The following NFIB variants were observed in gnomAD, a reference collection of about 807,000 sequenced individuals.
NFIB encodes nuclear factor 1 B-type.
Under a neutral mutation model 61.5 loss-of-function variants are expected in NFIB, and 11 were observed. The observed-to-expected ratio is 0.18, with a 90% confidence interval of 0.11 to 0.30. NFIB has a LOEUF of 0.30. Among genes scored for constraint, NFIB ranks in the 10% least tolerant of loss-of-function variants. NFIB has a pLI of 1.00. For missense variants in NFIB, 471 were observed against 608.9 expected (o/e 0.77, Z 2.38); for synonymous variants, 260 against 216.5 (o/e 1.20, Z -1.76).
At chr9:14,189,139 T>C (rs189127093) in intron 2 of NFIB, among the ~76,000 whole-genome samples, 75 of 152,320 alleles carry the variant, frequency 4.9e-4, no homozygotes, top group Non-Finnish European at 9.0e-4. Flanking sequence ...TCACGCATTA[T>C]TCTAAATCCC....
Position 14,087,761 on chromosome 9 carries a change from C to T in NFIB, c.*548G>A, listed in dbSNP as rs193129743. ...TAAAATGGCTGGCTCATGGCTCTGT[C>T]ACCCAGCACCTCTGACGCCGCCTCC... On this transcript the variant is annotated 3_prime_UTR_variant, in exon 11 of 11. Transcript: ENST00000380953. 4.4e-4 allele frequency: 97 copies of T among 219,992 alleles called. No individual in the cohort carries two copies. The highest frequency in any genetic ancestry group is 2.1e-3 in the African/African-American group (92 of 44,642). 13.6% of individuals were successfully genotyped at this position (219,992 alleles called of 1,614,324 possible).
At chr9:14,458,971 C>A in the NFIB span, among the ~76,000 whole-genome samples, 1 of 152,080 alleles carries the variant, frequency 6.6e-6, no homozygotes, top group Non-Finnish European at 1.5e-5. Context: ...CAATGCCATC[C>A]CCATCGAGCT....
chr9:14,486,584 A>C, the NFIB span, among the ~76,000 whole-genome samples: 3 of 152,108 alleles, frequency 2.0e-5, no homozygotes, highest in African/African-American at 7.2e-5. Flanking sequence ...ACCTATTCTC[A>C]TTTATCTTGC....
chr9:14,315,583 A>G (rs1453521800), upstream of NFIB, among the ~76,000 whole-genome samples: 3 of 142,686 alleles, frequency 2.1e-5, no homozygotes, highest in African/African-American at 5.1e-5. Flanking sequence ...GCAGCCCTCC[A>G]GAGGCTGCGG....
In NFIB at chr9:14,108,063, A is replaced by T. The variant is rs372357227; in HGVS notation, c.1467+4936T>A. Among the ~76,000 whole-genome samples, 50 of 152,220 alleles carry T rather than the reference A, an allele frequency of 3.3e-4. No homozygotes were observed. In the East Asian group the frequency reaches 9.6e-3, roughly 29 times the overall value. ...TTAAGAACTAGCCAAAGAGCTAAACATTTGCATAGCCATTATTTCGACTGA... is the reference window on the plus strand; with the variant it reads ...TTAAGAACTAGCCAAAGAGCTAAACTTTTGCATAGCCATTATTTCGACTGA... On this transcript the variant is annotated intron_variant, in intron 10 of 10. Coordinates refer to ENST00000380953, the MANE Select transcript of NFIB (RefSeq NM_001190737.2).
At chr9:14,487,642 A>G in the NFIB span, among the ~76,000 whole-genome samples, 1 of 152,220 alleles carries the variant, frequency 6.6e-6, no homozygotes, top group Non-Finnish European at 1.5e-5. Flanking sequence ...CCCTTGCTCA[A>G]ATCCATCAGG....
chr9:14,393,519 C>G (rs2061649324), intron 1 of NFIB, among the ~76,000 whole-genome samples: 1 of 152,168 alleles, frequency 6.6e-6, no homozygotes, highest in South Asian at 2.1e-4. Context: ...TTTGTTAACT[C>G]CCTCTGGGCT....
chr9:14,118,443 G>C (rs1273275607), intron 8 of NFIB, among the ~76,000 whole-genome samples: 1 of 152,034 alleles, frequency 6.6e-6, no homozygotes, highest in Non-Finnish European at 1.5e-5. Flanking sequence ...ACATGAACTA[G>C]TAGACACTTC....
chr9:14,455,282 T>C, the NFIB span, among the ~76,000 whole-genome samples: 1 of 152,246 alleles, frequency 6.6e-6, no homozygotes, highest in Non-Finnish European at 1.5e-5. Context: ...AACATGTAAT[T>C]ATCTGCTTTT....
At chr9:14,259,225 A>G (rs1297407705) in intron 2 of NFIB, among the ~76,000 whole-genome samples, 4 of 152,194 alleles carry the variant, frequency 2.6e-5, no homozygotes, top group Admixed American at 6.5e-5. Flanking sequence ...AAAGAAGTCA[A>G]TTGCTTGTGG....
intron 3 of NFIB, among the ~76,000 whole-genome samples, chr9:14,167,375 T>A (rs947358103): frequency 4.6e-5 from 7 of 151,980 alleles, no homozygotes; most frequent in African/African-American, 1.7e-4. Flanking sequence ...AAACCCTACA[T>A]CTACTAAAAA....
chr9:14,392,376 C>A (rs891931534), intron 1 of NFIB, among the ~76,000 whole-genome samples: 1 of 152,138 alleles, frequency 6.6e-6, no homozygotes, highest in African/African-American at 2.4e-5. Flanking sequence ...GGAGGGTATA[C>A]AGAAAACCTT....
rs572471764 is a variant in NFIB, at chr9:14,109,611, A to G, written c.1467+3388T>C. Among the ~76,000 whole-genome samples, 3 of 152,226 alleles carry G rather than the reference A, an allele frequency of 2.0e-5. No individual in the cohort carries two copies. The South Asian group carries it at 6.2e-4, about 32-fold the overall frequency. On this transcript the variant is annotated intron_variant, in intron 10 of 10. Coordinates refer to ENST00000380953, the MANE Select transcript of NFIB (RefSeq NM_001190737.2). ...TTTCCCCCATGCCAATAGCGAATGC[A>G]ATAACTAAACCAATAATCCCAAAGA...
At chr9:14,486,862 A>C in the NFIB span, among the ~76,000 whole-genome samples, 1 of 152,180 alleles carries the variant, frequency 6.6e-6, no homozygotes, top group Admixed American at 6.5e-5. Flanking sequence ...TGTTTTCTAC[A>C]TTGAACATCT....
chr9:14,364,640 G>A (rs1027608417), intron 1 of NFIB, among the ~76,000 whole-genome samples: 1 of 152,108 alleles, frequency 6.6e-6, no homozygotes, highest in East Asian at 1.9e-4. Flanking sequence ...GATCAAAATA[G>A]TTTTAAAAAT....
intron 10 of NFIB, among the ~76,000 whole-genome samples, chr9:14,091,896 GT>G (rs1345220805): frequency 6.6e-6 from 1 of 152,012 alleles, no homozygotes; most frequent in African/African-American, 2.4e-5. Context: ...TAATGAGATA[GT>G]TCATTATAAA....
At chr9:14,368,146 A>G (rs948041441) in intron 1 of NFIB, among the ~76,000 whole-genome samples, 2 of 48,118 alleles carry the variant, frequency 4.2e-5, no homozygotes, top group Non-Finnish European at 7.6e-5. Context: ...AAGTAAGTAA[A>G]GTAAGATTAA....
At chr9:14,463,122 A>C in the NFIB span, among the ~76,000 whole-genome samples, 1 of 147,430 alleles carries the variant, frequency 6.8e-6, no homozygotes, top group Non-Finnish European at 1.5e-5. Flanking sequence ...AATTCAATTA[A>C]ATAATTAAAT....
chr9:14,189,796 A>G (rs982221768), intron 2 of NFIB, among the ~76,000 whole-genome samples: 6 of 150,540 alleles, frequency 4.0e-5, no homozygotes, highest in African/African-American at 1.5e-4. Flanking sequence ...TATGTGTTGA[A>G]TGACTAACCA....
Sources: gnomAD v4.1 joint callset for allele counts (sites outside exome capture counted in the v4.1 genomes callset) on GRCh38, gnomAD v4.1.1 for gene constraint, MANE v1.5 for transcripts, NCBI Gene and HGNC (gene_info 2026-07-23, HGNC 2026-07-21) for gene names.